Variants in SLC14A2 observed in about 807,000 individuals in gnomAD.
The protein encoded by SLC14A2 is solute carrier family 14 member 2.
In SLC14A2, 91 loss-of-function variants were observed where a neutral mutation model predicts 104.6. The observed-to-expected ratio is 0.87, with a 90% CI of 0.73 to 1.04. The LOEUF (loss-of-function observed/expected upper bound fraction) is 1.04. Ranked by LOEUF, SLC14A2 falls within the 50% of genes least tolerant of loss-of-function variation. The pLI is 0.00. For missense variants in SLC14A2, 1,189 were observed against 1,156.0 expected, an observed-to-expected ratio of 1.03 and a Z score of -0.41; for synonymous variants, 476 against 466.4, an observed-to-expected ratio of 1.02 and a Z score of -0.27.
At chr18:45,353,298 C>T (rs1323564309) in intron 1 of SLC14A2, among the ~76,000 whole-genome samples, 1 of 152,154 alleles carries the variant, frequency 6.6e-6, no homozygotes, top group Admixed American at 6.5e-5. Flanking sequence ...TTATACATAT[C>T]CACAGTGGTG....
At chr18:45,623,026 G>A (rs912608550) in intron 1 of SLC14A2, among the ~76,000 whole-genome samples, 1 of 152,166 alleles carries the variant, frequency 6.6e-6, no homozygotes, top group Non-Finnish European at 1.5e-5. Context: ...ATACAAGCAT[G>A]AGGGAGGGAG....
intron 1 of SLC14A2, among the ~76,000 whole-genome samples, chr18:45,227,850 C>T (rs1257364804): frequency 6.6e-6 from 1 of 152,184 alleles, no homozygotes; most frequent in East Asian, 1.9e-4. Context: ...CATTCTCTTG[C>T]TCCTTTCTTT....
intron 1 of SLC14A2, among the ~76,000 whole-genome samples, chr18:45,294,967 A>G (rs1293586222): frequency 6.6e-6 from 1 of 152,256 alleles, no homozygotes; most frequent in Non-Finnish European, 1.5e-5. Context: ...CATTCTCTAA[A>G]GTGAATCCTT....
At chr18:45,428,364 T>C (rs1280129394) in intron 1 of SLC14A2, among the ~76,000 whole-genome samples, 1 of 152,224 alleles carries the variant, frequency 6.6e-6, no homozygotes, top group South Asian at 2.1e-4. Flanking sequence ...AAATGATCCA[T>C]GTTTAAGAAG....
chr18:45,568,510 G>A (rs991080800), intron 2 of SLC14A2, among the ~76,000 whole-genome samples: 7 of 152,258 alleles, frequency 4.6e-5, no homozygotes, highest in Non-Finnish European at 1.0e-4. Flanking sequence ...GCAGAGCCAC[G>A]AGAGTGGTTC....
In SLC14A2 at chr18:45,484,699, T is replaced by C. The variant is rs1161275893; in HGVS notation, c.-35+1377T>C. Among the ~76,000 whole-genome samples, 6 of 152,308 alleles carry C rather than the reference T, an allele frequency of 3.9e-5. No individual in the cohort carries two copies. In the East Asian group the frequency reaches 9.6e-4, roughly 24 times the overall value. Reference sequence around the variant, plus strand: ...GAAGTCAGCAGAACTCACTGGGGTTTCAAGATACTAGCTTTCAAACTAACT... The same window carrying C: ...GAAGTCAGCAGAACTCACTGGGGTTCCAAGATACTAGCTTTCAAACTAACT... On this transcript the variant is annotated intron_variant, in intron 2 of 20. Transcript: ENST00000586448.
intron 2 of SLC14A2, among the ~76,000 whole-genome samples, chr18:45,524,617 CA>C (rs2043565067): frequency 6.6e-6 from 1 of 152,184 alleles, no homozygotes; most frequent in Admixed American, 6.5e-5. Flanking sequence ...ACAGATGACA[CA>C]TACACATGAA....
At chr18:45,581,734 T>C (rs547333226) in intron 2 of SLC14A2, among the ~76,000 whole-genome samples, 2 of 152,182 alleles carry the variant, frequency 1.3e-5, no homozygotes, top group African/African-American at 2.4e-5. Context: ...GTTGTTGATA[T>C]TGCTGTATTG....
At chr18:45,228,306 A>G (rs1410132249) in intron 1 of SLC14A2, among the ~76,000 whole-genome samples, 1 of 152,226 alleles carries the variant, frequency 6.6e-6, no homozygotes, top group Admixed American at 6.5e-5. Flanking sequence ...ATGAGTCTTA[A>G]TATAATGGTC....
chr18:45,512,904 T>A (rs192696551), intron 2 of SLC14A2, among the ~76,000 whole-genome samples: 25 of 152,302 alleles, frequency 1.6e-4, no homozygotes, highest in Admixed American at 1.3e-3. Flanking sequence ...TTTCAAGTAC[T>A]TTCTGTCAGT....
chr18:45,422,280 T>C (rs184251165), intron 1 of SLC14A2, among the ~76,000 whole-genome samples: 8 of 152,144 alleles, frequency 5.3e-5, no homozygotes, highest in African/African-American at 1.9e-4. Flanking sequence ...GAAAATGAGG[T>C]ATGAGAAGGT....
At chr18:45,350,511 T>C (rs1332811571) in intron 1 of SLC14A2, among the ~76,000 whole-genome samples, 1 of 152,132 alleles carries the variant, frequency 6.6e-6, no homozygotes, top group African/African-American at 2.4e-5. Flanking sequence ...AGGCTCAGTT[T>C]AATTCCAAAT....
intron 2 of SLC14A2, among the ~76,000 whole-genome samples, chr18:45,591,663 A>G (rs1254362040): frequency 6.6e-6 from 1 of 152,168 alleles, no homozygotes; most frequent in Non-Finnish European, 1.5e-5. Context: ...ACAAGCACCC[A>G]GTGCTGCTGC....
intron 1 of SLC14A2, among the ~76,000 whole-genome samples, chr18:45,415,944 T>C (rs2086272181): frequency 6.6e-6 from 1 of 152,194 alleles, no homozygotes; most frequent in Non-Finnish European, 1.5e-5. Context: ...TGTCAACAGC[T>C]GTTTGCATTG....
At chr18:45,329,583 G>GT (rs147668708) in intron 1 of SLC14A2, among the ~76,000 whole-genome samples, 2 of 151,980 alleles carry the variant, frequency 1.3e-5, no homozygotes, top group Non-Finnish European at 2.9e-5. Context: ...AGAATGAAAG[G>GT]TTTTTTTTCC....
intron 1 of SLC14A2, among the ~76,000 whole-genome samples, chr18:45,356,078 AT>A: frequency 6.6e-6 from 1 of 152,108 alleles, no homozygotes. Context: ...TGTGTGAGGG[AT>A]TTGTGGACAT....
intron 1 of SLC14A2, among the ~76,000 whole-genome samples, chr18:45,322,205 T>C (rs966240570): frequency 7.2e-5 from 11 of 152,226 alleles, no homozygotes; most frequent in Non-Finnish European, 5.9e-5. Flanking sequence ...GATTGTCACA[T>C]CTCACATTTG....
chr18:45,274,531 A>G (rs1200651969), intron 1 of SLC14A2, among the ~76,000 whole-genome samples: 1 of 152,136 alleles, frequency 6.6e-6, no homozygotes, highest in Non-Finnish European at 1.5e-5. Context: ...CTCCACGGTT[A>G]TGGATGCAAC....
At chr18:45,473,711 C>A (rs1598876248) in intron 1 of SLC14A2, among the ~76,000 whole-genome samples, 1 of 152,128 alleles carries the variant, frequency 6.6e-6, no homozygotes, top group South Asian at 2.1e-4. Flanking sequence ...ATGCTTGTGA[C>A]TTTTGCACAT....
Sources: allele counts gnomAD v4.1 joint callset (sites outside exome capture counted in the v4.1 genomes callset), GRCh38; gene constraint gnomAD v4.1.1; transcripts MANE v1.5; gene names NCBI Gene and HGNC (gene_info 2026-07-23, HGNC 2026-07-21).